WIF1: variants seen among roughly 807,000 people sequenced by gnomAD.
WIF1 encodes the protein Wnt inhibitory factor 1.
Under a neutral mutation model 53.5 loss-of-function variants are expected in WIF1, and 35 were observed. The ratio of observed to expected loss-of-function variants is 0.65; its 90% CI spans 0.50 to 0.87. The LOEUF is 0.87. WIF1 is among the 40% of genes least tolerant of loss of function. The pLI is 0.00. For synonymous variants in WIF1, 171 were observed against 170.4 expected (o/e 1.00, Z -0.03); for missense variants, 467 against 476.8 (o/e 0.98, Z 0.19).
chr12:65,052,604 T>C (rs1882457181), intron 9 of WIF1, among the ~76,000 whole-genome samples: 1 of 152,180 alleles, frequency 6.6e-6, no homozygotes, highest in African/African-American at 2.4e-5. Flanking sequence ...CTAGTCAAAA[T>C]AAACCCCCTT....
intron 7 of WIF1, among the ~76,000 whole-genome samples, chr12:65,061,661 T>C (rs1384104663): frequency 6.6e-6 from 1 of 152,240 alleles, no homozygotes; most frequent in Non-Finnish European, 1.5e-5. Context: ...CTACCACATT[T>C]CAACCCTTAC....
intron 3 of WIF1, among the ~76,000 whole-genome samples, chr12:65,074,615 C>T (rs1429610524): frequency 6.6e-6 from 1 of 151,664 alleles, no homozygotes; most frequent in East Asian, 1.9e-4. Context: ...GTCAGGAGTT[C>T]GAGACCTGCC....
In WIF1 at chr12:65,120,461, C is replaced by G. The variant is rs144873880; in HGVS notation, c.244G>C (p.Val82Leu). Residue 82 changes from valine (V) to leucine (L), a missense_variant, in exon 2 of 10, where the codon GTC becomes CTC. Physicochemically the swap from Val to Leu is conservative, Grantham distance 32. Transcript: ENST00000286574. Reference protein sequence around the residue: ...KAQQRMPAIPVNIHSMNFTWQ... With the variant: ...KAQQRMPAIPLNIHSMNFTWQ... Reference sequence around the variant, plus strand: ...GTAAAATTCATGGAATGGATATTGACAGGAATAGCTGGCATTCTCTGTTGT... The same window carrying G: ...GTAAAATTCATGGAATGGATATTGAGAGGAATAGCTGGCATTCTCTGTTGT... 2.3e-4 allele frequency: 378 copies of G among 1,614,018 alleles called. 5 individuals carry two copies. The East Asian group carries it at 8.0e-3, about 34-fold the overall frequency.
intron 2 of WIF1, among the ~76,000 whole-genome samples, chr12:65,082,589 T>TGCTGGAG (rs1489160334): frequency 2.0e-5 from 3 of 151,954 alleles, no homozygotes; most frequent in Non-Finnish European, 4.4e-5. Flanking sequence ...AAGAGAGGAG[T>TGCTGGAG]GCTGGAGGTC....
At chr12:65,109,773 T>A (rs1883402763) in intron 2 of WIF1, among the ~76,000 whole-genome samples, 1 of 152,224 alleles carries the variant, frequency 6.6e-6, no homozygotes. Flanking sequence ...TTTCTTCTCT[T>A]GTTTCCTCGT....
At chr12:65,104,803 A>C (rs1883330876) in intron 2 of WIF1, among the ~76,000 whole-genome samples, 3 of 152,194 alleles carry the variant, frequency 2.0e-5, no homozygotes, top group South Asian at 2.1e-4. Context: ...TAAGTAAGTA[A>C]ATTTCTAATT....
At chr12:65,057,186 G>A (rs527445931) in intron 7 of WIF1, among the ~76,000 whole-genome samples, 13 of 152,298 alleles carry the variant, frequency 8.5e-5, no homozygotes, top group Non-Finnish European at 1.6e-4. Flanking sequence ...AAGTCGAGGT[G>A]CAGTGGCAAT....
At chr12:65,068,675 GTGTGTGTGTGTA>G in intron 4 of WIF1, 77 bp downstream of exon 4, 1 of 1,304,822 alleles carries the variant, frequency 7.7e-7, no homozygotes, top group Non-Finnish European at 1.1e-6. Flanking sequence ...GTGTGTGTGT[GTGTGTGTGTGTA>G]TAGATATAAA....
At chr12:65,052,833 C>A (rs564148232) in intron 9 of WIF1, among the ~76,000 whole-genome samples, 3 of 152,134 alleles carry the variant, frequency 2.0e-5, no homozygotes, top group Admixed American at 2.0e-4. Flanking sequence ...ATCTACCACA[C>A]GAGGGCCCCT....
intron 3 of WIF1, among the ~76,000 whole-genome samples, chr12:65,072,262 C>T (rs12321644): frequency 0.031 from 4,678 of 152,222 alleles, 245 homozygotes; most frequent in African/African-American, 0.11. Context: ...TTGGAATGTT[C>T]TTTCTTGTGT....
intron 2 of WIF1, among the ~76,000 whole-genome samples, chr12:65,091,496 C>A (rs1883122771): frequency 1.3e-5 from 2 of 151,568 alleles, no homozygotes; most frequent in African/African-American, 4.8e-5. Flanking sequence ...CTGAACTTAG[C>A]TAATAAGAGT....
At chr12:65,083,227 C>A (rs1015441011) in intron 2 of WIF1, among the ~76,000 whole-genome samples, 1 of 151,984 alleles carries the variant, frequency 6.6e-6, no homozygotes, top group Non-Finnish European at 1.5e-5. Flanking sequence ...TAAAATAGAT[C>A]GTACGCTGTA....
intron 2 of WIF1, among the ~76,000 whole-genome samples, chr12:65,114,733 C>T (rs1437934710): frequency 1.3e-5 from 2 of 152,092 alleles, no homozygotes; most frequent in African/African-American, 4.8e-5. Context: ...CAAACACATT[C>T]CTACAGTTTA....
chr12:65,091,768 G>T (rs1480792451), intron 2 of WIF1, among the ~76,000 whole-genome samples: 2 of 152,192 alleles, frequency 1.3e-5, no homozygotes, highest in South Asian at 4.1e-4. Flanking sequence ...TCCAAATTGA[G>T]ATACACACAG....
chr12:65,086,626 T>C (rs752038036), intron 2 of WIF1, among the ~76,000 whole-genome samples: 3 of 151,322 alleles, frequency 2.0e-5, no homozygotes, highest in Non-Finnish European at 4.4e-5. Flanking sequence ...GCAGTGTGTG[T>C]GCAGGTACTT....
At chr12:65,104,625 A>G (rs1883328495) in intron 2 of WIF1, among the ~76,000 whole-genome samples, 3 of 152,190 alleles carry the variant, frequency 2.0e-5, no homozygotes, top group African/African-American at 4.8e-5. Flanking sequence ...TTAGATAACG[A>G]TGAAAAATAA....
intron 2 of WIF1, among the ~76,000 whole-genome samples, chr12:65,085,845 AG>A (rs1883029829): frequency 1.3e-5 from 2 of 152,198 alleles, no homozygotes; most frequent in Non-Finnish European, 2.9e-5. Context: ...AGAAGATCAC[AG>A]TTTGGCTTCA....
At chr12:65,068,678 TG>T in intron 4 of WIF1, 85 bp downstream of exon 4, 1 of 1,348,928 alleles carries the variant, frequency 7.4e-7, no homozygotes, top group Non-Finnish European at 1.0e-6. Flanking sequence ...TGTGTGTGTG[TG>T]TGTGTGTATA....
intron 2 of WIF1, among the ~76,000 whole-genome samples, chr12:65,078,268 A>C (rs764188076): frequency 1.6e-4 from 24 of 152,078 alleles, no homozygotes; most frequent in Admixed American, 9.8e-4. Flanking sequence ...TAGTAGAGAC[A>C]GGGTTTCACC....
Sources: gnomAD v4.1 joint callset for allele counts (sites outside exome capture counted in the v4.1 genomes callset) on GRCh38, gnomAD v4.1.1 for gene constraint, MANE v1.5 for transcripts, NCBI Gene and HGNC (gene_info 2026-07-23, HGNC 2026-07-21) for gene names.